Variants in OPHN1 observed in about 807,000 individuals in gnomAD.
The protein encoded by OPHN1 is oligophrenin-1.
A neutral mutation model predicts 60.7 loss-of-function variants in OPHN1; 11 were observed. That is an observed-to-expected ratio of 0.18 (90% CI 0.11 to 0.30). The LOEUF (loss-of-function observed/expected upper bound fraction) is 0.30. Ranked by LOEUF, OPHN1 falls within the 10% of genes least tolerant of loss-of-function variation. The pLI is 1.00. For missense variants in OPHN1, 449 were observed against 611.0 expected (o/e 0.73, Z 2.80); for synonymous variants, 226 against 222.6 (o/e 1.02, Z -0.14).
Position 68,155,123 on chromosome X carries a change from G to C in OPHN1, c.1277-35791C>G, listed in dbSNP as rs540908570. ...CAAGAAAAGCAAATATAATGACCAAGTTAAGGAAGAATCAGAATGAATTTT... is the reference window on the plus strand; with the variant it reads ...CAAGAAAAGCAAATATAATGACCAACTTAAGGAAGAATCAGAATGAATTTT... On this transcript the variant is annotated intron_variant, in intron 15 of 24. Transcript: ENST00000355520. Among the ~76,000 whole-genome samples, 70 of 111,239 alleles carry C rather than the reference G, an allele frequency of 6.3e-4. No individual in the cohort carries two copies. The South Asian group carries it at 0.026, about 41-fold the overall frequency.
chrX:68,302,744 C>T (rs915371083), intron 2 of OPHN1, among the ~76,000 whole-genome samples: 2 of 109,988 alleles, frequency 1.8e-5, no homozygotes, highest in Non-Finnish European at 1.9e-5. Flanking sequence ...ATAGTGAAAC[C>T]CTGTCTCCAC....
intron 2 of OPHN1, among the ~76,000 whole-genome samples, chrX:68,373,888 C>G (rs991416456): frequency 9.0e-6 from 1 of 110,889 alleles, no homozygotes; most frequent in African/African-American, 3.3e-5. Context: ...GCAAATGGTG[C>G]TAGTACAATT....
chrX:68,113,275 G>A (rs375621374), intron 16 of OPHN1, 36 bp from the exon 17 acceptor site: 24 of 1,096,241 alleles, frequency 2.2e-5, no homozygotes, highest in Non-Finnish European at 2.8e-5. Context: ...GCTTTGGGAA[G>A]AAAGCAGCTG....
chrX:68,252,982 G>A lies in OPHN1; in HGVS notation c.385-18394C>T, dbSNP rs184963081. Among the ~76,000 whole-genome samples, 44 of 110,811 alleles carry A rather than the reference G, an allele frequency of 4.0e-4. No individual in the cohort carries two copies. In the East Asian group the frequency reaches 0.012, roughly 31 times the overall value. ...CTCCTCGAAGATTGCTGTGCCTGGT[G>A]AGACTGACAACATAGTGCCAGTTGA... On this transcript the variant is annotated intron_variant, in intron 5 of 24. Transcript: ENST00000355520.
intron 5 of OPHN1, among the ~76,000 whole-genome samples, chrX:68,262,877 G>T (rs1202436321): frequency 9.0e-6 from 1 of 111,462 alleles, no homozygotes; most frequent in Non-Finnish European, 1.9e-5. Context: ...GACAGGAAAG[G>T]AAAGGAACAA....
In OPHN1 at chrX:68,381,139, G is replaced by C. The variant is rs970621143; in HGVS notation, c.154+51728C>G. On this transcript the variant is annotated intron_variant, in intron 2 of 24. Coordinates refer to ENST00000355520, the MANE Select transcript of OPHN1 (RefSeq NM_002547.3). ...TCTCCTTCTCTTAGGCAATCGCAAG[G>C]ATAAACACCATGCCAAAACATAGTA... Among the ~76,000 whole-genome samples, 9 of 111,604 alleles carry C rather than the reference G, an allele frequency of 8.1e-5. No individual in the cohort carries two copies. The South Asian group carries it at 1.1e-3, about 14-fold the overall frequency.
chrX:68,049,191 A>C (rs761861497), intron 23 of OPHN1, among the ~76,000 whole-genome samples: 33 of 111,669 alleles, frequency 3.0e-4, no homozygotes, highest in Non-Finnish European at 4.9e-4. Context: ...CCCCAAATCT[A>C]TGTATACATA....
intron 2 of OPHN1, among the ~76,000 whole-genome samples, chrX:68,403,799 T>C (rs888323452): frequency 9.1e-6 from 1 of 109,604 alleles, no homozygotes; most frequent in Non-Finnish European, 1.9e-5. Context: ...TGAACTCAGG[T>C]ACTGCACGAG....
intron 5 of OPHN1, among the ~76,000 whole-genome samples, chrX:68,269,135 T>C (rs2077951223): frequency 9.0e-6 from 1 of 111,639 alleles, no homozygotes; most frequent in Non-Finnish European, 1.9e-5. Flanking sequence ...GTAGGAAGAA[T>C]CAATATCGTG....
intron 4 of OPHN1, among the ~76,000 whole-genome samples, chrX:68,281,598 T>G (rs943632262): frequency 3.6e-5 from 4 of 111,304 alleles, no homozygotes; most frequent in Non-Finnish European, 5.7e-5. Context: ...TAAAAACCTA[T>G]GCAATGCAAA....
intron 3 of OPHN1, among the ~76,000 whole-genome samples, chrX:68,283,814 T>A (rs1020087570): frequency 8.9e-6 from 1 of 112,297 alleles, no homozygotes; most frequent in Non-Finnish European, 1.9e-5. Context: ...CTAATATTTT[T>A]AATCAAAAAT....
chrX:68,427,031 C>T (rs1372288938), intron 2 of OPHN1, among the ~76,000 whole-genome samples: 1 of 102,806 alleles, frequency 9.7e-6, no homozygotes, highest in Non-Finnish European at 2.0e-5. Flanking sequence ...GCAGGCAGAT[C>T]ACTTGAGGTC....
At chrX:68,402,960 TAC>T (rs2078722996) in intron 2 of OPHN1, among the ~76,000 whole-genome samples, 1 of 111,752 alleles carries the variant, frequency 8.9e-6, no homozygotes, top group Admixed American at 9.6e-5. Context: ...ATCTGAGGTG[TAC>T]AGGAGTATCT....
intron 15 of OPHN1, among the ~76,000 whole-genome samples, chrX:68,133,965 A>C (rs2077208963): frequency 1.8e-5 from 2 of 110,632 alleles, no homozygotes; most frequent in African/African-American, 3.3e-5. Flanking sequence ...ACCTGAGGTC[A>C]GAAGTTTGAG....
chrX:68,192,061 TAA>T (rs146866304), intron 15 of OPHN1, among the ~76,000 whole-genome samples: 13 of 102,576 alleles, frequency 1.3e-4, no homozygotes, highest in African/African-American at 4.2e-4. Flanking sequence ...ATAACCAGAA[TAA>T]AAAAAAATCA....
chrX:68,151,168 T>A (rs1187559659), intron 15 of OPHN1, among the ~76,000 whole-genome samples: 1 of 112,116 alleles, frequency 8.9e-6, no homozygotes, highest in Non-Finnish European at 1.9e-5. Flanking sequence ...AAGGGCCACA[T>A]ATACACTTTA....
intron 2 of OPHN1, among the ~76,000 whole-genome samples, chrX:68,327,824 A>T: frequency 9.9e-6 from 1 of 101,040 alleles, no homozygotes; most frequent in Admixed American, 1.0e-4. Flanking sequence ...AAAATTTTAA[A>T]CTTTTTTTTT....
intron 2 of OPHN1, among the ~76,000 whole-genome samples, chrX:68,337,810 A>AG (rs1320688545): frequency 1.8e-5 from 2 of 110,668 alleles, no homozygotes; most frequent in Non-Finnish European, 3.8e-5. Flanking sequence ...AAAAAAAAAA[A>AG]AAGACAATGG....
At chrX:68,049,887 T>C (rs1411136697) in intron 23 of OPHN1, among the ~76,000 whole-genome samples, 2 of 112,044 alleles carry the variant, frequency 1.8e-5, no homozygotes, top group African/African-American at 6.5e-5. Flanking sequence ...CTCACCTCCT[T>C]TATGTTCTTG....
Sources: allele counts gnomAD v4.1 joint callset (sites outside exome capture counted in the v4.1 genomes callset), GRCh38; gene constraint gnomAD v4.1.1; transcripts MANE v1.5; gene names NCBI Gene and HGNC (gene_info 2026-07-23, HGNC 2026-07-21).